Variants in DTD1 observed in about 807,000 individuals in gnomAD.
The protein encoded by DTD1 is D-aminoacyl-tRNA deacylase 1, also known as D-tyrosyl-tRNA deacylase 1 homolog.
A neutral mutation model predicts 25.6 loss-of-function variants in DTD1; 13 were observed. That is an observed-to-expected ratio of 0.51 (90% CI 0.33 to 0.81). The LOEUF (loss-of-function observed/expected upper bound fraction) is 0.81, where lower values mean the gene tolerates loss of function less well. Ranked by LOEUF, DTD1 falls within the 30% of genes least tolerant of loss-of-function variation. DTD1 has a pLI of 0.02. For missense variants in DTD1, 193 were observed against 266.4 expected (o/e 0.72, Z 1.92); for synonymous variants, 110 against 103.6 (o/e 1.06, Z -0.37).
chr20:18,599,293 G>A (rs564208508), intron 3 of DTD1, among the ~76,000 whole-genome samples: 2 of 152,182 alleles, frequency 1.3e-5, no homozygotes, highest in East Asian at 3.9e-4. Flanking sequence ...TCCTGCCTCA[G>A]CCTTCCGAGT....
chr20:18,633,346 C>T lies in DTD1; in HGVS notation c.477+5113C>T, dbSNP rs373888068. On this transcript the variant is annotated intron_variant, in intron 4 of 5. Coordinates refer to ENST00000377452, the MANE Select transcript of DTD1 (RefSeq NM_080820.6). ...CTTGTCTCAATTCCAGGGTCTCCCC[C>T]TCCTTCTCCAAGAATCTCTGACCCC... is the stretch of plus-strand genomic sequence containing the variant. 7.2e-5 allele frequency among the ~76,000 whole-genome samples: 11 copies of T among 152,294 alleles called. No individual in the cohort carries two copies. In the South Asian group the frequency reaches 2.3e-3, roughly 32 times the overall value.
intron 1 of DTD1, among the ~76,000 whole-genome samples, 155 bp downstream of exon 1, chr20:18,588,270 C>A (rs1444207413): frequency 6.6e-6 from 1 of 151,948 alleles, no homozygotes; most frequent in Non-Finnish European, 1.5e-5. Context: ...AGCCGCGAGT[C>A]CCCAGGGCCG....
At chr20:18,736,607 C>A (rs143679374) in intron 4 of DTD1, among the ~76,000 whole-genome samples, 2 of 152,248 alleles carry the variant, frequency 1.3e-5, no homozygotes, top group Non-Finnish European at 2.9e-5. Context: ...CAGCCACCCC[C>A]TCTCCTTGCC....
intron 4 of DTD1, among the ~76,000 whole-genome samples, chr20:18,665,245 C>T (rs1476786324): frequency 6.6e-6 from 1 of 152,142 alleles, no homozygotes. Context: ...GGGGTCTTGG[C>T]AGTTGTGCCC....
At chr20:18,607,013 T>G (rs566772994) in intron 3 of DTD1, among the ~76,000 whole-genome samples, 1 of 152,352 alleles carries the variant, frequency 6.6e-6, no homozygotes, top group East Asian at 1.9e-4. Flanking sequence ...TCTGTGTTTA[T>G]GGATGTGAAG....
At chr20:18,700,231 A>G (rs575100437) in intron 4 of DTD1, among the ~76,000 whole-genome samples, 1 of 152,248 alleles carries the variant, frequency 6.6e-6, no homozygotes, top group Non-Finnish European at 1.5e-5. Context: ...CACTTGGTCA[A>G]GATGGTATCA....
chr20:18,629,318 T>TTTTTTTTTTTGG (rs2060773698), intron 4 of DTD1, among the ~76,000 whole-genome samples: 1 of 120,602 alleles, frequency 8.3e-6, no homozygotes, highest in Non-Finnish European at 1.8e-5. Context: ...TTTTTTTTTT[T>TTTTTTTTTTTGG]GAGACAGGGT....
chr20:18,719,346 A>G (rs1416570788), intron 4 of DTD1, among the ~76,000 whole-genome samples: 1 of 152,222 alleles, frequency 6.6e-6, no homozygotes, highest in Non-Finnish European at 1.5e-5. Flanking sequence ...TATATTAGGC[A>G]GAGTTCCTCT....
chr20:18,693,644 G>T (rs1459322726), intron 4 of DTD1, among the ~76,000 whole-genome samples: 1 of 103,034 alleles, frequency 9.7e-6, no homozygotes, highest in Non-Finnish European at 1.9e-5. Context: ...GTGACAGAGC[G>T]AGACTCCCAT....
At chr20:18,631,229 A>T in intron 4 of DTD1, 2 of 985,422 alleles carry the variant, frequency 2.0e-6, no homozygotes. Context: ...GACCAGCTAC[A>T]TAATTTGAGA....
At chr20:18,726,493 T>C (rs1033673428) in intron 4 of DTD1, among the ~76,000 whole-genome samples, 1 of 152,142 alleles carries the variant, frequency 6.6e-6, no homozygotes, top group Non-Finnish European at 1.5e-5. Context: ...CTAACATAAT[T>C]CAGCCTGTCA....
At chr20:18,759,535 T>G (rs1348623785) in intron 5 of DTD1, among the ~76,000 whole-genome samples, 1 of 152,230 alleles carries the variant, frequency 6.6e-6, no homozygotes, top group East Asian at 1.9e-4. Flanking sequence ...TTGAAAATTC[T>G]TTTCTTTAAG....
chr20:18,655,827 A>G (rs1378689981), intron 4 of DTD1, among the ~76,000 whole-genome samples: 1 of 151,754 alleles, frequency 6.6e-6, no homozygotes, highest in Non-Finnish European at 1.5e-5. Context: ...CTGGAGTGCA[A>G]TGGCGTGATC....
At chr20:18,723,304 G>T (rs1326085785) in intron 4 of DTD1, among the ~76,000 whole-genome samples, 1 of 152,208 alleles carries the variant, frequency 6.6e-6, no homozygotes, top group Non-Finnish European at 1.5e-5. Context: ...CTCTAGCCTA[G>T]AGCCCCTGCA....
chr20:18,734,501 C>G (rs2061248954), intron 4 of DTD1, among the ~76,000 whole-genome samples: 1 of 152,174 alleles, frequency 6.6e-6, no homozygotes, highest in Non-Finnish European at 1.5e-5. Context: ...GGCTACTGTG[C>G]CCTTTTTGGG....
chr20:18,620,449 T>TA (rs1403439718), intron 3 of DTD1, among the ~76,000 whole-genome samples: 5 of 152,244 alleles, frequency 3.3e-5, no homozygotes, highest in African/African-American at 1.2e-4. Flanking sequence ...GCCAGCCTTC[T>TA]AGTGGCTTAG....
At chr20:18,658,240 CT>C (rs2060897822) in intron 4 of DTD1, among the ~76,000 whole-genome samples, 1 of 149,238 alleles carries the variant, frequency 6.7e-6, no homozygotes, top group Non-Finnish European at 1.5e-5. Context: ...TCCCCCACCC[CT>C]GTGTGTTGTT....
intron 5 of DTD1, among the ~76,000 whole-genome samples, chr20:18,762,955 A>G (rs1229331752): frequency 3.3e-5 from 5 of 152,146 alleles, no homozygotes; most frequent in Admixed American, 6.5e-5. Context: ...TTTGTAATAT[A>G]AGCATTTAAT....
At chr20:18,694,065 A>G (rs2061060207) in intron 4 of DTD1, among the ~76,000 whole-genome samples, 1 of 152,114 alleles carries the variant, frequency 6.6e-6, no homozygotes, top group Non-Finnish European at 1.5e-5. Context: ...ACCATGGTCG[A>G]CCTTTCTGGA....
Sources: allele counts gnomAD v4.1 joint callset (sites outside exome capture counted in the v4.1 genomes callset), GRCh38; gene constraint gnomAD v4.1.1; transcripts MANE v1.5; gene names NCBI Gene and HGNC (gene_info 2026-07-23, HGNC 2026-07-21).